The following ST3GAL4 variants were observed in gnomAD, a reference collection of about 807,000 sequenced individuals.
The protein encoded by ST3GAL4 is ST3 beta-galactoside alpha-2,3-sialyltransferase 4.
A neutral mutation model predicts 42.6 loss-of-function variants in ST3GAL4; 24 were observed. That is an observed-to-expected ratio of 0.56 (90% confidence interval 0.41 to 0.79). The LOEUF is 0.79. Among genes scored for constraint, ST3GAL4 ranks in the 30% least tolerant of loss-of-function variants. The pLI is 0.00. For missense variants in ST3GAL4, 311 were observed against 430.8 expected, an observed-to-expected ratio of 0.72 and a Z score of 2.46; for synonymous variants, 135 against 163.2, an observed-to-expected ratio of 0.83 and a Z score of 1.32.
In ST3GAL4 at chr11:126,406,349, G is replaced by C. The variant is rs924489642; in HGVS notation, c.17-124G>C. 1.7e-4 allele frequency: 260 copies of C among 1,556,440 alleles called. No individual in the cohort carries two copies. The highest frequency in any genetic ancestry group is 2.1e-4 in the Non-Finnish European group (239 of 1,150,732). On this transcript the variant is annotated intron_variant, in intron 2 of 10. Coordinates refer to ENST00000444328, the MANE Select transcript of ST3GAL4 (RefSeq NM_001254757.2). The surrounding 1 kb of genome is among the most constrained non-coding windows in gnomAD (Gnocchi z 5.4). ...CAAGCCCTCAGCCAGGGCCAGGAGA[G>C]GGCCAGAGACTGCTTCTGTTGAGTT...
chr11:126,365,606 C>T (rs1364664140), intron 1 of ST3GAL4, among the ~76,000 whole-genome samples: 6 of 152,330 alleles, frequency 3.9e-5, no homozygotes, highest in Non-Finnish European at 8.8e-5. Flanking sequence ...TGACCAGGCC[C>T]TGACAGGCCG....
chr11:126,375,869 C>CTTTT (rs11443803), intron 1 of ST3GAL4, among the ~76,000 whole-genome samples: 9 of 122,642 alleles, frequency 7.3e-5, no homozygotes, highest in Non-Finnish European at 1.4e-4. Flanking sequence ...CCTTTTCTTC[C>CTTTT]TTTTTTTTTT....
rs1952331386 is a variant in ST3GAL4, at chr11:126,363,750, T to G, written c.-61+7908T>G. On this transcript the variant is annotated intron_variant, in intron 1 of 10. Transcript: ENST00000444328. This position sits in a 1 kb window ranked among gnomAD's most constrained non-coding sequence, Gnocchi z 4.6. Reference sequence around the variant, plus strand: ...CCCTCCACCCTCCTCTCTCTTGAGCTCTTTCTCCCAGGGGAAGCTGCTCGA... The same window carrying G: ...CCCTCCACCCTCCTCTCTCTTGAGCGCTTTCTCCCAGGGGAAGCTGCTCGA... Among the ~76,000 whole-genome samples the G allele has an allele frequency of 6.6e-6, 1 of 152,152 alleles. No homozygotes were observed. Among genetic ancestry groups the G allele is most frequent in the South Asian group, 2.1e-4 (1 of 4,824 alleles).
At chr11:126,358,622 C>A (rs1952152387) in intron 1 of ST3GAL4, 2 of 292,582 alleles carry the variant, frequency 6.8e-6, no homozygotes, top group Non-Finnish European at 1.4e-5. Flanking sequence ...GGTCAGCTTT[C>A]TGACTGGAGC....
At chr11:126,371,321 C>T (rs761855505) in intron 1 of ST3GAL4, among the ~76,000 whole-genome samples, 4 of 151,854 alleles carry the variant, frequency 2.6e-5, no homozygotes, top group African/African-American at 4.8e-5. Context: ...CACGCCATCA[C>T]GCCTGTCTAA....
chr11:126,364,031 C>G (rs947348355), intron 1 of ST3GAL4, among the ~76,000 whole-genome samples: 4 of 152,262 alleles, frequency 2.6e-5, no homozygotes, highest in African/African-American at 7.2e-5. Context: ...ACCACTCATT[C>G]AGCTGCCTGG....
At chr11:126,362,524 A>G (rs1210255207) in intron 1 of ST3GAL4, among the ~76,000 whole-genome samples, 1 of 152,150 alleles carries the variant, frequency 6.6e-6, no homozygotes, top group Non-Finnish European at 1.5e-5. Flanking sequence ...TTAATGGGAT[A>G]ATGTTTCAGA....
At position 126,366,623 on chromosome 11, in the gene ST3GAL4, C is replaced by T. The variant is rs1261127255; in HGVS notation, c.-61+10781C>T. On this transcript the variant is annotated intron_variant, in intron 1 of 10. Coordinates refer to ENST00000444328, the MANE Select transcript of ST3GAL4 (RefSeq NM_001254757.2). The surrounding 1 kb of genome is among the most constrained non-coding windows in gnomAD (Gnocchi z 4.2). Reference sequence around the variant, plus strand: ...CTGGCGAGTCTGCCTCTCACTCGCTCAGCCCCTTTAACCCTGCTGGCTCCT... The same window carrying T: ...CTGGCGAGTCTGCCTCTCACTCGCTTAGCCCCTTTAACCCTGCTGGCTCCT... 6.6e-6 allele frequency among the ~76,000 whole-genome samples: 1 copy of T among 152,212 alleles called. No homozygotes were observed. Among genetic ancestry groups the T allele is most frequent in the African/African-American group, 2.4e-5 (1 of 41,444 alleles).
chr11:126,401,413 C>A (rs1953984845), intron 1 of ST3GAL4, among the ~76,000 whole-genome samples: 1 of 151,908 alleles, frequency 6.6e-6, no homozygotes, highest in Admixed American at 6.6e-5. Context: ...ACTAAACATA[C>A]AAAAATTAGC....
chr11:126,411,511 C>T lies in ST3GAL4; in HGVS notation c.772-1994C>T, dbSNP rs1323169359. 6.6e-6 allele frequency among the ~76,000 whole-genome samples: 1 copy of T among 152,126 alleles called. No homozygotes were observed. The highest frequency in any genetic ancestry group is 1.5e-5 in the Non-Finnish European group (1 of 68,014). On this transcript the variant is annotated intron_variant, in intron 9 of 10. Transcript: ENST00000444328. The surrounding 1 kb of genome is among the most constrained non-coding windows in gnomAD (Gnocchi z 6.3). ...CTAAAACAATACCCATGTACTGGCT[C>T]ATGGTCCTGTAGATCAGAACAGCAG...
intron 1 of ST3GAL4, among the ~76,000 whole-genome samples, chr11:126,389,746 AT>A (rs1437245303): frequency 6.6e-6 from 1 of 151,952 alleles, no homozygotes; most frequent in Non-Finnish European, 1.5e-5. Flanking sequence ...TAAGTTGTTT[AT>A]TTTATTTTTT....
In ST3GAL4 at chr11:126,410,457, A is replaced by ACTGCT. The variant is rs1565428664; in HGVS notation, c.771+1048_771+1052dup. Among the ~76,000 whole-genome samples the ACTGCT allele has an allele frequency of 6.6e-6, 1 of 152,174 alleles. No individual in the cohort carries two copies. Among genetic ancestry groups the ACTGCT allele is most frequent in the African/African-American group, 2.4e-5 (1 of 41,438 alleles). On this transcript the variant is annotated intron_variant, in intron 9 of 10. Transcript: ENST00000444328. The surrounding 1 kb of genome is among the most constrained non-coding windows in gnomAD (Gnocchi z 5.3). ...GTACTGTGTGGGGCTTGGCAGGTCA[A>ACTGCT]CTGCTCAGATCCTTGTTTTTCTTGC...
chr11:126,408,512 G>A lies in ST3GAL4; in HGVS notation c.627+16G>A. 1 of 1,613,498 alleles carries A rather than the reference G, an allele frequency of 6.2e-7. No individual in the cohort carries two copies. The highest frequency in any genetic ancestry group is 8.5e-7 in the Non-Finnish European group (1 of 1,179,828). On this transcript the variant is annotated intron_variant, in intron 8 of 10. Transcript: ENST00000444328. Reference sequence around the variant, plus strand: ...TAAGAAGCGGGTAAGTTGGGGGACAGACTGGGGGCTGAGGCCTGGCGGTGG... The same window carrying A: ...TAAGAAGCGGGTAAGTTGGGGGACAAACTGGGGGCTGAGGCCTGGCGGTGG...
rs758779436 is a variant in ST3GAL4 at position 126,406,048 on chromosome 11, A to T, written c.-60-48A>T. On this transcript the variant is annotated intron_variant, in intron 1 of 10. Transcript: ENST00000444328. This position sits in a 1 kb window ranked among gnomAD's most constrained non-coding sequence, Gnocchi z 5.4. ...GTGTGTCCTGCTCCAGTGTCTAGGC[A>T]GGAGAGTTTGTGAAGCTGACCGGAC... 239 of 1,547,344 alleles carry T rather than the reference A, an allele frequency of 1.5e-4. 3 individuals are homozygous for T. In the South Asian group the frequency reaches 2.6e-3, roughly 17 times the overall value.
intron 1 of ST3GAL4, among the ~76,000 whole-genome samples, chr11:126,394,292 C>T (rs536650082): frequency 1.1e-4 from 16 of 152,354 alleles, no homozygotes; most frequent in African/African-American, 3.6e-4. Context: ...TCCACACAGG[C>T]CCTGGATTTC....
chr11:126,363,632 A>G lies in ST3GAL4; in HGVS notation c.-61+7790A>G, dbSNP rs1396712252. 1.3e-5 allele frequency among the ~76,000 whole-genome samples: 2 copies of G among 152,218 alleles called. No individual in the cohort carries two copies. Among genetic ancestry groups the G allele is most frequent in the Non-Finnish European group, 2.9e-5 (2 of 68,042 alleles). On this transcript the variant is annotated intron_variant, in intron 1 of 10. Transcript: ENST00000444328. The surrounding 1 kb of genome is among the most constrained non-coding windows in gnomAD (Gnocchi z 4.6). ...TGAGCCCTCATGCAACTCTTTGGACATCTTCCTGCAAAGGACGGTGGGATC... is the reference window on the plus strand; with the variant it reads ...TGAGCCCTCATGCAACTCTTTGGACGTCTTCCTGCAAAGGACGGTGGGATC...
intron 1 of ST3GAL4, among the ~76,000 whole-genome samples, chr11:126,402,689 C>T (rs1954059172): frequency 6.6e-6 from 1 of 152,162 alleles, no homozygotes. Context: ...TGGGCGGGTA[C>T]CTGCTGAGTA....
chr11:126,410,804 CACA>C lies in ST3GAL4; in HGVS notation c.771+1395_771+1397del, dbSNP rs1954494317. ...GTTGCACTGTGGGGTGATAAAATTC[CACA>C]ATGGAGAGTTGTTCCCAATGCCGTG... On this transcript the variant is annotated intron_variant, in intron 9 of 10. Coordinates refer to ENST00000444328, the MANE Select transcript of ST3GAL4 (RefSeq NM_001254757.2). The surrounding 1 kb of genome is among the most constrained non-coding windows in gnomAD (Gnocchi z 5.3). 6.6e-6 allele frequency among the ~76,000 whole-genome samples: 1 copy of C among 152,070 alleles called. No individual in the cohort carries two copies. Among genetic ancestry groups the C allele is most frequent in the Non-Finnish European group, 1.5e-5 (1 of 68,014 alleles).
At chr11:126,370,079 C>T (rs1952586718) in intron 1 of ST3GAL4, among the ~76,000 whole-genome samples, 1 of 152,184 alleles carries the variant, frequency 6.6e-6, no homozygotes, top group Non-Finnish European at 1.5e-5. Flanking sequence ...CCATCTTATG[C>T]TGTTAGAAAA....
Sources: allele counts gnomAD v4.1 joint callset (sites outside exome capture counted in the v4.1 genomes callset), GRCh38; gene constraint gnomAD v4.1.1; non-coding constraint Gnocchi (gnomAD v3.1); transcripts MANE v1.5; gene names NCBI Gene and HGNC (gene_info 2026-07-23, HGNC 2026-07-21).